Variants in LTBP1 observed in about 807,000 individuals in gnomAD.
The protein encoded by LTBP1 is latent-transforming growth factor beta-binding protein 1.
A neutral mutation model predicts 207.6 loss-of-function variants in LTBP1; 129 were observed. The ratio of observed to expected loss-of-function variants is 0.62; its 90% CI spans 0.54 to 0.72. LTBP1 has a LOEUF of 0.72. Among genes scored for constraint, LTBP1 ranks in the 30% least tolerant of loss-of-function variants. LTBP1 has a pLI of 0.00. For synonymous variants in LTBP1, 963 were observed against 833.7 expected, an observed-to-expected ratio of 1.16 and a Z score of -2.67; for missense variants, 2,281 against 2,217.2, an observed-to-expected ratio of 1.03 and a Z score of -0.58.
chr2:33,165,327 C>T (rs1166485434), intron 5 of LTBP1, among the ~76,000 whole-genome samples: 5 of 152,034 alleles, frequency 3.3e-5, no homozygotes, highest in East Asian at 1.9e-4. Context: ...AAGAAATAGG[C>T]GAGACGCTGA....
At chr2:33,182,721 CACACACACACACACAGACAT>C (rs1558769916) in intron 5 of LTBP1, among the ~76,000 whole-genome samples, 1 of 88,420 alleles carries the variant, frequency 1.1e-5, no homozygotes, top group Non-Finnish European at 2.4e-5. Flanking sequence ...CACACACACA[CACACACACACACACAGACAT>C]ATATATGTAT....
At chr2:33,158,674 A>G (rs1022126663) in intron 5 of LTBP1, among the ~76,000 whole-genome samples, 2 of 152,212 alleles carry the variant, frequency 1.3e-5, no homozygotes, top group Non-Finnish European at 2.9e-5. Flanking sequence ...AGAAAATGGA[A>G]GATTTCTTTC....
At chr2:33,096,351 C>T (rs1391722272) in intron 3 of LTBP1, among the ~76,000 whole-genome samples, 1 of 152,110 alleles carries the variant, frequency 6.6e-6, no homozygotes, top group East Asian at 1.9e-4. Context: ...TGTTGTAGTA[C>T]ATCTCTACAG....
intron 26 of LTBP1, 133 bp from the exon 27 acceptor site, chr2:33,360,464 G>A: frequency 1.8e-6 from 1 of 557,064 alleles, no homozygotes; most frequent in South Asian, 2.9e-5. Flanking sequence ...ATCTGACACT[G>A]AAAGTGGAAA....
In LTBP1 at chr2:32,979,165, T is replaced by C. The variant is rs138454202; in HGVS notation, c.565+30220T>C. On this transcript the variant is annotated intron_variant, in intron 2 of 33. Coordinates refer to ENST00000404816, the MANE Select transcript of LTBP1 (RefSeq NM_206943.4). ...CCAACTTTTCATTTCATTGATCTTTTATATATATATTTTTTTCATTTAAAT... is the reference window on the plus strand; with the variant it reads ...CCAACTTTTCATTTCATTGATCTTTCATATATATATTTTTTTCATTTAAAT... Among the ~76,000 whole-genome samples the C allele has an allele frequency of 4.2e-3, 638 of 151,672 alleles. 6 individuals are homozygous for C. Among genetic ancestry groups the C allele is most frequent in the African/African-American group, 0.015 (614 of 41,522 alleles).
chr2:33,244,860 T>TCATC (rs1553466496), intron 10 of LTBP1, among the ~76,000 whole-genome samples: 11 of 150,968 alleles, frequency 7.3e-5, no homozygotes, highest in Admixed American at 4.0e-4. Flanking sequence ...GTTTTTGTTT[T>TCATC]TATCTATCTA....
intron 3 of LTBP1, among the ~76,000 whole-genome samples, chr2:33,080,168 A>G (rs2085084): frequency 0.17 from 25,321 of 152,026 alleles, 2,414 homozygotes; most frequent in East Asian, 0.34. Context: ...CTGGGCTTAC[A>G]GGTGTGTGCC....
rs369822192 is a variant in LTBP1, at chr2:33,389,109, G to T, written c.4712-75G>T. ...AAGGGTGTGCTGGCAGATTCCCGTT[G>T]CTCTGAGCTGCGAGGGGGTGGGGCA... On this transcript the variant is annotated intron_variant, in intron 31 of 33. Transcript: ENST00000404816. 6.4e-4 allele frequency: 1,019 copies of T among 1,600,026 alleles called. 5 individuals are homozygous for T. In the Middle Eastern group the frequency reaches 7.4e-3, roughly 12 times the overall value.
chr2:33,372,997 G>A (rs867714521), intron 31 of LTBP1, among the ~76,000 whole-genome samples: 1 of 152,188 alleles, frequency 6.6e-6, no homozygotes, highest in Non-Finnish European at 1.5e-5. Flanking sequence ...TTGAACATTT[G>A]AATCTTAAGT....
chr2:33,044,007 G>C (rs548984688), intron 3 of LTBP1, among the ~76,000 whole-genome samples: 14 of 151,506 alleles, frequency 9.2e-5, no homozygotes, highest in Middle Eastern at 3.4e-3. Flanking sequence ...CTGACTCTTA[G>C]ACTCTATATT....
In LTBP1 at chr2:33,050,945, G is replaced by A. The variant is rs565827626; in HGVS notation, c.863+29739G>A. Among the ~76,000 whole-genome samples the A allele has an allele frequency of 3.9e-4, 60 of 151,998 alleles. 1 individual carries two copies. The highest frequency in any genetic ancestry group is 3.0e-3 in the Admixed American group (46 of 15,256). On this transcript the variant is annotated intron_variant, in intron 3 of 33. Transcript: ENST00000404816. The stretch of plus-strand genomic sequence containing the variant: ...GACAGGGTTTCGCCAGACTGGTCTC[G>A]AACTCCTGACCTTGTGATCCACCCA...
intron 15 of LTBP1, among the ~76,000 whole-genome samples, chr2:33,272,605 A>C (rs907759320): frequency 1.3e-5 from 2 of 152,202 alleles, no homozygotes; most frequent in African/African-American, 2.4e-5. Context: ...TTTCATTCTC[A>C]TACTTTGAAG....
At chr2:33,018,843 A>G (rs1223081329) in intron 2 of LTBP1, among the ~76,000 whole-genome samples, 6 of 151,874 alleles carry the variant, frequency 4.0e-5, no homozygotes, top group African/African-American at 1.5e-4. Context: ...GGCTTACTCC[A>G]AGGTCACCTA....
At chr2:33,245,665 C>T (rs2092485290) in intron 10 of LTBP1, among the ~76,000 whole-genome samples, 2 of 152,172 alleles carry the variant, frequency 1.3e-5, no homozygotes, top group Admixed American at 6.5e-5. Flanking sequence ...GGCCAAAAAT[C>T]ACATTGTTGA....
chr2:33,149,145 G>A (rs907689827), intron 5 of LTBP1, among the ~76,000 whole-genome samples: 19 of 151,490 alleles, frequency 1.3e-4, no homozygotes, highest in Non-Finnish European at 2.4e-4. Flanking sequence ...AACCCGGGAG[G>A]CGGAGCTTGC....
chr2:33,373,533 A>G (rs952667719), intron 31 of LTBP1, among the ~76,000 whole-genome samples: 1 of 152,224 alleles, frequency 6.6e-6, no homozygotes, highest in Non-Finnish European at 1.5e-5. Flanking sequence ...CCTTTGAGAA[A>G]GGTAGACTGT....
chr2:33,125,823 CCGTCTCA>C (rs1395769012), intron 4 of LTBP1, among the ~76,000 whole-genome samples: 1 of 117,036 alleles, frequency 8.5e-6, no homozygotes, highest in Non-Finnish European at 1.8e-5. Context: ...GAGCAAGACT[CCGTCTCA>C]AAAAAAAAAA....
chr2:32,957,326 C>T (rs965204760), intron 2 of LTBP1, among the ~76,000 whole-genome samples: 4 of 152,186 alleles, frequency 2.6e-5, no homozygotes, highest in African/African-American at 9.6e-5. Flanking sequence ...ATGCCTTCCT[C>T]ACTTAGCTTT....
intron 7 of LTBP1, among the ~76,000 whole-genome samples, chr2:33,192,708 G>T (rs2088042212): frequency 6.6e-6 from 1 of 152,144 alleles, no homozygotes; most frequent in Non-Finnish European, 1.5e-5. Flanking sequence ...ATTTTGTGTT[G>T]TTATAACAGA....
Sources: gnomAD v4.1 joint callset for allele counts (sites outside exome capture counted in the v4.1 genomes callset) on GRCh38, gnomAD v4.1.1 for gene constraint, MANE v1.5 for transcripts, NCBI Gene and HGNC (gene_info 2026-07-23, HGNC 2026-07-21) for gene names.